The following GFRAL variants were observed in gnomAD, a reference collection of about 807,000 sequenced individuals.
The protein encoded by GFRAL is GDNF family receptor alpha like.
Under a neutral mutation model 45.4 loss-of-function variants are expected in GFRAL, and 36 were observed. The ratio of observed to expected loss-of-function variants is 0.79; its 90% CI spans 0.61 to 1.05. GFRAL has a LOEUF of 1.05. GFRAL is among the 50% of genes least tolerant of loss of function. The probability of loss-of-function intolerance (pLI) is 0.00; values close to 1 mark genes in which losing one functional copy is unlikely to be tolerated. For synonymous variants in GFRAL, 166 were observed against 154.1 expected (o/e 1.08, Z -0.57); for missense variants, 507 against 467.5 (o/e 1.08, Z -0.78).
At chr6:55,385,581 A>G (rs940180729) in intron 6 of GFRAL, among the ~76,000 whole-genome samples, 4 of 152,270 alleles carry the variant, frequency 2.6e-5, no homozygotes, top group Non-Finnish European at 5.9e-5. Flanking sequence ...CAATAGAGCC[A>G]GAATTTAAAC....
Position 55,351,580 on chromosome 6 carries a change from G to T in GFRAL, c.698G>T (p.Cys233Phe). 6.3e-7 allele frequency: 1 copy of T among 1,594,952 alleles called. No individual in the cohort carries two copies. Among genetic ancestry groups the T allele is most frequent in the Non-Finnish European group, 8.6e-7 (1 of 1,165,450 alleles). The change falls in exon 5 of 9, where the codon TGC becomes TTC. Residue 233 changes from cysteine to phenylalanine, a missense_variant. By Grantham distance (205) the Cys-to-Phe change is radical. Transcript: ENST00000340465. Reference sequence around the variant, plus strand: ...CGCAGCTGCCAAAATGATGAATTATGCAGGTGGGTAAAAACACTCATACCT... The same window carrying T: ...CGCAGCTGCCAAAATGATGAATTATTCAGGTGGGTAAAAACACTCATACCT... ...VIRSCQNDELCRRHYRTFQSK... is the reference protein window; with the variant it reads ...VIRSCQNDELFRRHYRTFQSK...
At chr6:55,375,832 A>G (rs1234774627) in intron 6 of GFRAL, among the ~76,000 whole-genome samples, 2 of 152,186 alleles carry the variant, frequency 1.3e-5, no homozygotes, top group South Asian at 4.1e-4. Context: ...CTCTTTTCCT[A>G]TCTGAATACC....
At chr6:55,341,384 A>G (rs984062017) in intron 3 of GFRAL, among the ~76,000 whole-genome samples, 12 of 152,092 alleles carry the variant, frequency 7.9e-5, no homozygotes, top group Non-Finnish European at 2.9e-5. Flanking sequence ...CTGTTCTGCA[A>G]CCTCTGCTTC....
At chr6:55,397,524 CAAAAA>C (rs70986715) in intron 6 of GFRAL, among the ~76,000 whole-genome samples, 3,857 of 67,350 alleles carry the variant, frequency 0.057, 161 homozygotes, top group African/African-American at 0.19. Flanking sequence ...GACTCCGTCT[CAAAAA>C]AAAAAAAAAA....
chr6:55,391,576 G>A (rs528602766), intron 6 of GFRAL, among the ~76,000 whole-genome samples: 8 of 152,130 alleles, frequency 5.3e-5, no homozygotes, highest in African/African-American at 1.9e-4. Context: ...TAATAGCAAG[G>A]CCTTGTCTCT....
chr6:55,333,074 C>A (rs1202198273), intron 2 of GFRAL, among the ~76,000 whole-genome samples: 1 of 152,032 alleles, frequency 6.6e-6, no homozygotes, highest in Non-Finnish European at 1.5e-5. Context: ...TTAGGTGTCA[C>A]AAATTGTACC....
At chr6:55,355,328 A>G (rs1028463648) in intron 5 of GFRAL, among the ~76,000 whole-genome samples, 4 of 151,934 alleles carry the variant, frequency 2.6e-5, no homozygotes, top group South Asian at 2.1e-4. Context: ...CGTTCTGCAC[A>G]TCTATCTCAT....
At chr6:55,349,630 G>C (rs1418135975) in intron 3 of GFRAL, among the ~76,000 whole-genome samples, 1 of 151,972 alleles carries the variant, frequency 6.6e-6, no homozygotes. Flanking sequence ...TAATTTCTAA[G>C]AACTCTTGGA....
At chr6:55,337,103 T>C (rs1303690258) in intron 3 of GFRAL, among the ~76,000 whole-genome samples, 1 of 152,116 alleles carries the variant, frequency 6.6e-6, no homozygotes, top group Admixed American at 6.6e-5. Flanking sequence ...CTAGAACTTA[T>C]TCCTTCTATG....
chr6:55,357,640 G>A (rs1222982461), intron 5 of GFRAL, among the ~76,000 whole-genome samples: 2 of 151,490 alleles, frequency 1.3e-5, no homozygotes, highest in African/African-American at 4.8e-5. Context: ...GCCATACTAT[G>A]TCTTTTAATT....
chr6:55,394,370 A>G (rs1403676286), intron 6 of GFRAL, among the ~76,000 whole-genome samples: 1 of 152,152 alleles, frequency 6.6e-6, no homozygotes, highest in Non-Finnish European at 1.5e-5. Context: ...ATCTTATTAA[A>G]GGGAAGGGCC....
chr6:55,388,537 T>C (rs986343422), intron 6 of GFRAL, among the ~76,000 whole-genome samples: 1 of 152,168 alleles, frequency 6.6e-6, no homozygotes, highest in African/African-American at 2.4e-5. Flanking sequence ...TGAAAGAACA[T>C]ATGGTAGCTA....
At chr6:55,347,785 T>G (rs1403560318) in intron 3 of GFRAL, among the ~76,000 whole-genome samples, 1 of 152,104 alleles carries the variant, frequency 6.6e-6, no homozygotes, top group Non-Finnish European at 1.5e-5. Flanking sequence ...ATTTTTCTTC[T>G]TGCTTCCATG....
At chr6:55,341,803 A>G (rs577734716) in intron 3 of GFRAL, among the ~76,000 whole-genome samples, 2 of 152,330 alleles carry the variant, frequency 1.3e-5, no homozygotes, top group Admixed American at 6.5e-5. Context: ...GTTAACTAGA[A>G]TAAACAGTAT....
chr6:55,338,727 A>G (rs1253798809), intron 3 of GFRAL, among the ~76,000 whole-genome samples: 1 of 152,162 alleles, frequency 6.6e-6, no homozygotes, highest in East Asian at 1.9e-4. Context: ...AGCAGAAGAA[A>G]CAGAATGAAG....
At chr6:55,394,082 GA>G (rs555185714) in intron 6 of GFRAL, among the ~76,000 whole-genome samples, 31 of 152,120 alleles carry the variant, frequency 2.0e-4, no homozygotes, top group Admixed American at 1.9e-3. Flanking sequence ...TGAAAGAAGG[GA>G]AAAAATCTAG....
intron 6 of GFRAL, among the ~76,000 whole-genome samples, chr6:55,372,957 C>CA (rs1174103395): frequency 6.6e-6 from 1 of 151,990 alleles, no homozygotes; most frequent in Admixed American, 6.6e-5. Context: ...AAAAGATGTG[C>CA]AAGCTAAATG....
intron 3 of GFRAL, among the ~76,000 whole-genome samples, chr6:55,338,841 G>C (rs189648970): frequency 6.6e-6 from 1 of 152,272 alleles, no homozygotes; most frequent in Admixed American, 6.5e-5. Flanking sequence ...AAGGAGGAAG[G>C]CTGAACTTAC....
intron 6 of GFRAL, among the ~76,000 whole-genome samples, chr6:55,387,330 T>C (rs566507850): frequency 1.3e-5 from 2 of 152,340 alleles, no homozygotes; most frequent in Admixed American, 6.5e-5. Context: ...TTGCCTATAA[T>C]TGGGGATAGG....
Sources: allele counts gnomAD v4.1 joint callset (sites outside exome capture counted in the v4.1 genomes callset), GRCh38; gene constraint gnomAD v4.1.1; transcripts MANE v1.5; gene names NCBI Gene and HGNC (gene_info 2026-07-23, HGNC 2026-07-21).